Variants in MRPL21 observed in about 807,000 individuals in gnomAD.
The protein encoded by MRPL21 is mitochondrial ribosomal protein L21, also known as large ribosomal subunit protein bL21m.
In MRPL21, 20 loss-of-function variants were observed where a neutral mutation model predicts 27.3. The ratio of observed to expected loss-of-function variants is 0.73; its 90% confidence interval spans 0.52 to 1.06. MRPL21 has a LOEUF of 1.06. Ranked by LOEUF, MRPL21 falls within the 50% of genes least tolerant of loss-of-function variation. The pLI is 0.00. For missense variants in MRPL21, 249 were observed against 251.4 expected, an observed-to-expected ratio of 0.99 and a Z score of 0.06; for synonymous variants, 98 against 101.5, an observed-to-expected ratio of 0.97 and a Z score of 0.21.
chr11:68,903,397 C>A (rs879298060), intron 1 of MRPL21, among the ~76,000 whole-genome samples: 1 of 152,178 alleles, frequency 6.6e-6, no homozygotes, highest in Admixed American at 6.5e-5. Flanking sequence ...GCTTTGGAGC[C>A]GAAATGACTG....
At chr11:68,893,726 A>AT (rs1481992613) in intron 4 of MRPL21, among the ~76,000 whole-genome samples, 1 of 152,192 alleles carries the variant, frequency 6.6e-6, no homozygotes, top group Non-Finnish European at 1.5e-5. Context: ...GATACCATGG[A>AT]TATGCATCCA....
chr11:68,892,682 A>T, intron 6 of MRPL21: 1 of 1,503,230 alleles, frequency 6.7e-7, no homozygotes, highest in Non-Finnish European at 8.9e-7. Flanking sequence ...AGGTGGGGTC[A>T]CGCGTGGAGC....
Position 68,900,608 on chromosome 11 carries a change from G to T in MRPL21, c.89-3C>A. The stretch of plus-strand genomic sequence containing the variant: ...TCGAGAAGCAGACCAAAGGGAGGCT[G>T]AGGGAAGAAGAGAAACACAGATCAT... On this transcript the variant is annotated splice_polypyrimidine_tract_variant and splice_region_variant and intron_variant, in intron 1 of 6. Transcript: ENST00000362034. The T allele has an allele frequency of 6.2e-7, 1 of 1,611,822 alleles. No individual in the cohort carries two copies. The highest frequency in any genetic ancestry group is 1.1e-5 in the South Asian group (1 of 91,024).
chr11:68,892,013 G>T, intron 6 of MRPL21: 5 of 1,120,392 alleles, frequency 4.5e-6, no homozygotes, highest in Non-Finnish European at 4.7e-6. Context: ...TGGGGACAGT[G>T]CTAGGCGTCA....
intron 1 of MRPL21, among the ~76,000 whole-genome samples, chr11:68,901,549 T>G (rs1857935414): frequency 1.3e-5 from 2 of 152,176 alleles, no homozygotes; most frequent in African/African-American, 4.8e-5. Flanking sequence ...AACCACCTTT[T>G]TAAAGTTCAC....
chr11:68,894,272 T>A lies in MRPL21; in HGVS notation c.397-817A>T, dbSNP rs146494650. On this transcript the variant is annotated intron_variant, in intron 4 of 6. Transcript: ENST00000362034. ...AGATGAAGACATCTTTGCTTCCAAA[T>A]GCAACAGTGTTCTTTCTTCTTTTTG... Among the ~76,000 whole-genome samples the A allele has an allele frequency of 9.9e-5, 15 of 152,254 alleles. No homozygotes were observed. The East Asian group carries it at 2.9e-3, about 29-fold the overall frequency.
chr11:68,898,736 C>A (rs948270832), intron 2 of MRPL21, among the ~76,000 whole-genome samples: 1 of 152,270 alleles, frequency 6.6e-6, no homozygotes, highest in East Asian at 1.9e-4. Context: ...TATAGCACTG[C>A]GGTCCCCAGC....
At chr11:68,895,815 G>A (rs1857772606) in intron 4 of MRPL21, among the ~76,000 whole-genome samples, 1 of 152,128 alleles carries the variant, frequency 6.6e-6, no homozygotes, top group Non-Finnish European at 1.5e-5. Flanking sequence ...GACTACATGT[G>A]TGTGCCACCA....
rs142851966 is a variant in MRPL21 at position 68,896,635 on chromosome 11, A to C, written c.276T>G (p.Tyr92Ter). The C allele has an allele frequency of 6.2e-7, 1 of 1,614,078 alleles. No homozygotes were observed. The highest frequency in any genetic ancestry group is 1.7e-5 in the Admixed American group (1 of 60,006). ...AGTGCACCACGGCAAAGAGCCTGCC[A>C]TACTGCCCCGTGACGATCATCTCAT... is the stretch of plus-strand genomic sequence containing the variant. ...KVNEMIVTGQ[Y>*]GRLFAVVHFA... The change falls in exon 4 of 7, where the codon TAT (tyrosine) becomes TAG (stop). Residue 92 changes from tyrosine (Y) to a stop codon, truncating the protein, a stop_gained. Transcript: ENST00000362034. LOFTEE classifies it high-confidence loss of function.
chr11:68,897,216 A>C (rs538355805), intron 3 of MRPL21, among the ~76,000 whole-genome samples: 1 of 152,176 alleles, frequency 6.6e-6, no homozygotes, highest in South Asian at 2.1e-4. Context: ...AGTTCCTGTT[A>C]TCTCTGCTCT....
chr11:68,893,613 T>C lies in MRPL21; in HGVS notation c.397-158A>G, dbSNP rs2154005509. 2.6e-5 allele frequency among the ~76,000 whole-genome samples: 4 copies of C among 152,358 alleles called. No homozygotes were observed. In the Middle Eastern group the frequency reaches 0.014, roughly 518 times the overall value. ...GCTGTCTAATGATCTCTTTAATATC[T>C]ACAACCGGGGCTGTGAGCTGACAAG... On this transcript the variant is annotated intron_variant, in intron 4 of 6. Coordinates refer to ENST00000362034, the MANE Select transcript of MRPL21 (RefSeq NM_181514.2).
intron 1 of MRPL21, among the ~76,000 whole-genome samples, chr11:68,901,187 G>C (rs990377017): frequency 1.3e-5 from 2 of 152,182 alleles, no homozygotes; most frequent in Admixed American, 1.3e-4. Context: ...GAACGACCTT[G>C]CAGGTAGATT....
intron 1 of MRPL21, among the ~76,000 whole-genome samples, chr11:68,901,687 C>T (rs1177926210): frequency 6.6e-6 from 1 of 152,180 alleles, no homozygotes; most frequent in Non-Finnish European, 1.5e-5. Context: ...CTGGTGACTG[C>T]ATCCAGTCCG....
Position 68,893,321 on chromosome 11 carries a change from C to T in MRPL21, c.449+82G>A, listed in dbSNP as rs1487338965. On this transcript the variant is annotated intron_variant, in intron 5 of 6. Transcript: ENST00000362034. ...CAAAGAATATGAATGCAACTCCCCA[C>T]CTGGCCTAATTGCACTGTGACCACT... The T allele has an allele frequency of 1.9e-6, 3 of 1,596,948 alleles. No individual in the cohort carries two copies. In the East Asian group the frequency reaches 6.8e-5, roughly 36 times the overall value.
chr11:68,901,288 A>G (rs1395724565), intron 1 of MRPL21, among the ~76,000 whole-genome samples: 1 of 152,172 alleles, frequency 6.6e-6, no homozygotes, highest in East Asian at 1.9e-4. Context: ...AGAACCAGCC[A>G]CTTAAGCTGC....
At position 68,896,610 on chromosome 11, in the gene MRPL21, A is replaced by G. The variant is rs1857795548; in HGVS notation, c.301T>C (p.Phe101Leu). 1.4e-5 allele frequency: 23 copies of G among 1,614,182 alleles called. No individual in the cohort carries two copies. The highest frequency in any genetic ancestry group is 1.9e-5 in the Non-Finnish European group (22 of 1,180,026). Reference sequence around the variant, plus strand: ...GTCACCTTCCACTGGCGGCTGGCAAAGTGCACCACGGCAAAGAGCCTGCCA... The same window carrying G: ...GTCACCTTCCACTGGCGGCTGGCAAGGTGCACCACGGCAAAGAGCCTGCCA... ...QYGRLFAVVHFASRQWKVTSE... is the reference protein window; with the variant it reads ...QYGRLFAVVHLASRQWKVTSE... Residue 101 changes from phenylalanine to leucine, a missense_variant, in exon 4 of 7, where the codon TTT (phenylalanine) becomes CTT (leucine). By Grantham distance (22) the Phe-to-Leu change is conservative. Coordinates refer to ENST00000362034, the MANE Select transcript of MRPL21 (RefSeq NM_181514.2).
At chr11:68,892,841 G>C in intron 6 of MRPL21, 49 bp downstream of exon 6, 1 of 1,590,324 alleles carries the variant, frequency 6.3e-7, no homozygotes, top group Non-Finnish European at 8.6e-7. Context: ...CATGCGCCTG[G>C]GCAACCAGCA....
intron 1 of MRPL21, among the ~76,000 whole-genome samples, chr11:68,901,184 C>G (rs1300708435): frequency 2.6e-5 from 4 of 152,228 alleles, no homozygotes; most frequent in Admixed American, 1.3e-4. Flanking sequence ...TGGGAACGAC[C>G]TTGCAGGTAG....
chr11:68,896,717 C>G, intron 3 of MRPL21, 39 bp from the exon 4 acceptor site: 1 of 1,610,986 alleles, frequency 6.2e-7, no homozygotes, highest in South Asian at 1.1e-5. Flanking sequence ...TCACCCTCAC[C>G]TGCTCCCCCA....
Sources: gnomAD v4.1 joint callset for allele counts (sites outside exome capture counted in the v4.1 genomes callset) on GRCh38, gnomAD v4.1.1 for gene constraint, MANE v1.5 for transcripts, NCBI Gene and HGNC (gene_info 2026-07-23, HGNC 2026-07-21) for gene names.